PDZRN4: variants seen among roughly 807,000 people sequenced by gnomAD.
PDZRN4 encodes the protein PDZ domain-containing RING finger protein 4.
A neutral mutation model predicts 99.0 loss-of-function variants in PDZRN4; 70 were observed. That is an observed-to-expected ratio of 0.71 (90% CI 0.58 to 0.86). The LOEUF (loss-of-function observed/expected upper bound fraction) is 0.86. PDZRN4 is among the 40% of genes least tolerant of loss of function. The pLI is 0.00. For synonymous variants in PDZRN4, 551 were observed against 501.6 expected (o/e 1.10, Z -1.32); for missense variants, 1,474 against 1,331.2 (o/e 1.11, Z -1.67).
chr12:41,441,372 C>A (rs1403572310), intron 3 of PDZRN4, among the ~76,000 whole-genome samples: 2 of 152,130 alleles, frequency 1.3e-5, no homozygotes, highest in African/African-American at 4.8e-5. Context: ...ACAGAGAGTA[C>A]ATTTATTAAT....
chr12:41,461,119 A>T (rs971776578), intron 3 of PDZRN4, among the ~76,000 whole-genome samples: 1 of 151,844 alleles, frequency 6.6e-6, no homozygotes, highest in Non-Finnish European at 1.5e-5. Context: ...TACTGCAGGG[A>T]CTCCACGTGA....
intron 3 of PDZRN4, among the ~76,000 whole-genome samples, chr12:41,496,841 AAACTAC>A (rs1938013359): frequency 6.6e-6 from 1 of 152,168 alleles, no homozygotes; most frequent in South Asian, 2.1e-4. Context: ...TTAGGCCCTG[AAACTAC>A]AGCACTAAAC....
At chr12:41,274,634 A>G (rs1002971541) in intron 3 of PDZRN4, among the ~76,000 whole-genome samples, 5 of 152,166 alleles carry the variant, frequency 3.3e-5, no homozygotes, top group African/African-American at 1.2e-4. Context: ...CACTACTGAA[A>G]TACCTGAATC....
intron 3 of PDZRN4, among the ~76,000 whole-genome samples, chr12:41,356,744 G>A (rs898814938): frequency 9.9e-5 from 15 of 151,946 alleles, no homozygotes; most frequent in Admixed American, 6.6e-5. Context: ...TTTTAGAACT[G>A]ATTTCATCTG....
At chr12:41,417,356 A>G (rs1385760371) in intron 3 of PDZRN4, among the ~76,000 whole-genome samples, 1 of 152,236 alleles carries the variant, frequency 6.6e-6, no homozygotes, top group Non-Finnish European at 1.5e-5. Context: ...CACAAACTGA[A>G]TAGCATTACC....
chr12:41,305,518 A>G (rs1291711954), intron 3 of PDZRN4, among the ~76,000 whole-genome samples: 1 of 152,160 alleles, frequency 6.6e-6, no homozygotes, highest in African/African-American at 2.4e-5. Context: ...AAGATTTGGT[A>G]TCTTGTGTGG....
chr12:41,330,204 A>G (rs1278836435), intron 3 of PDZRN4, among the ~76,000 whole-genome samples: 1 of 152,096 alleles, frequency 6.6e-6, no homozygotes, highest in African/African-American at 2.4e-5. Context: ...TATTTCTGAT[A>G]AAATCTGAAT....
intron 3 of PDZRN4, among the ~76,000 whole-genome samples, chr12:41,244,960 G>C (rs1353714710): frequency 1.3e-5 from 2 of 151,770 alleles, no homozygotes. Flanking sequence ...AAAGTGCTGG[G>C]ATTACAGGCG....
intron 7 of PDZRN4, among the ~76,000 whole-genome samples, chr12:41,559,869 G>A (rs1939237609): frequency 1.3e-5 from 2 of 152,072 alleles, no homozygotes; most frequent in Admixed American, 6.6e-5. Flanking sequence ...AGATCTGATG[G>A]TTTTATAATG....
At chr12:41,477,946 A>C (rs1040649996) in intron 3 of PDZRN4, 3 of 1,398,172 alleles carry the variant, frequency 2.1e-6, no homozygotes, top group East Asian at 2.4e-5. Context: ...AATTTATTTC[A>C]TCATATTATT....
chr12:41,446,008 A>G (rs1565584605), intron 3 of PDZRN4, among the ~76,000 whole-genome samples: 2 of 151,974 alleles, frequency 1.3e-5, no homozygotes, highest in Non-Finnish European at 2.9e-5. Flanking sequence ...TATCACTTTC[A>G]ATGTGGAATA....
At chr12:41,266,192 T>G (rs1447002139) in intron 3 of PDZRN4, among the ~76,000 whole-genome samples, 1 of 52,606 alleles carries the variant, frequency 1.9e-5, no homozygotes, top group Non-Finnish European at 3.9e-5. Flanking sequence ...GCGCCTGTAG[T>G]CCCAGCTACT....
intron 3 of PDZRN4, among the ~76,000 whole-genome samples, chr12:41,484,508 G>A (rs117008879): frequency 0.021 from 3,256 of 152,306 alleles, 51 homozygotes; most frequent in Non-Finnish European, 0.035. Context: ...CCCCAAAAAC[G>A]TAATAGGAGC....
intron 3 of PDZRN4, among the ~76,000 whole-genome samples, chr12:41,206,115 C>T (rs1471685290): frequency 1.3e-5 from 2 of 151,942 alleles, no homozygotes; most frequent in Admixed American, 1.3e-4. Context: ...ATGGTCAGTT[C>T]TAGGCTATTA....
At chr12:41,513,005 C>A (rs1022353455) in intron 5 of PDZRN4, among the ~76,000 whole-genome samples, 1 of 151,990 alleles carries the variant, frequency 6.6e-6, no homozygotes, top group African/African-American at 2.4e-5. Flanking sequence ...ACAAACTATG[C>A]GGCTATTTAG....
intron 5 of PDZRN4, among the ~76,000 whole-genome samples, chr12:41,537,016 A>G (rs1225166449): frequency 6.6e-6 from 1 of 152,160 alleles, no homozygotes; most frequent in Non-Finnish European, 1.5e-5. Flanking sequence ...TATTTTCCAC[A>G]AAAAGACTCT....
intron 3 of PDZRN4, among the ~76,000 whole-genome samples, chr12:41,458,568 G>A (rs1431818836): frequency 6.6e-6 from 1 of 152,150 alleles, no homozygotes; most frequent in Non-Finnish European, 1.5e-5. Flanking sequence ...AACTAAGTAG[G>A]GCAGGAAATT....
At chr12:41,322,688 G>A (rs999212289) in intron 3 of PDZRN4, among the ~76,000 whole-genome samples, 22 of 151,574 alleles carry the variant, frequency 1.5e-4, no homozygotes, top group African/African-American at 4.8e-4. Flanking sequence ...AGTAGAGACA[G>A]GTTTTCACCA....
At chr12:41,444,800 C>T (rs1439233149) in intron 3 of PDZRN4, among the ~76,000 whole-genome samples, 2 of 151,886 alleles carry the variant, frequency 1.3e-5, no homozygotes, top group African/African-American at 4.8e-5. Flanking sequence ...ACATCTTGAG[C>T]TATGATGTTC....
Sources: allele counts gnomAD v4.1 joint callset (sites outside exome capture counted in the v4.1 genomes callset), GRCh38; gene constraint gnomAD v4.1.1; transcripts MANE v1.5; gene names NCBI Gene and HGNC (gene_info 2026-07-23, HGNC 2026-07-21).